The following CCSER1 variants were observed in gnomAD, a reference collection of about 807,000 sequenced individuals.
The protein encoded by CCSER1 is serine-rich coiled-coil domain-containing protein 1.
A neutral mutation model predicts 82.0 loss-of-function variants in CCSER1; 41 were observed. The observed-to-expected ratio is 0.50, with a 90% confidence interval of 0.39 to 0.65. The LOEUF (loss-of-function observed/expected upper bound fraction) is 0.65, where lower values mean the gene tolerates loss of function less well. Among genes scored for constraint, CCSER1 ranks in the 30% least tolerant of loss-of-function variants. CCSER1 has a pLI of 0.00. For missense variants in CCSER1, 1,119 were observed against 1,064.2 expected, an observed-to-expected ratio of 1.05 and a Z score of -0.72; for synonymous variants, 414 against 383.9, an observed-to-expected ratio of 1.08 and a Z score of -0.92.
intron 10 of CCSER1, among the ~76,000 whole-genome samples, chr4:91,312,916 C>G (rs956606547): frequency 6.6e-6 from 1 of 151,958 alleles, no homozygotes; most frequent in African/African-American, 2.4e-5. Flanking sequence ...CATGTGGTAA[C>G]TCCCGTCTAG....
chr4:91,453,451 T>C (rs939115025), intron 10 of CCSER1, among the ~76,000 whole-genome samples: 16 of 152,040 alleles, frequency 1.1e-4, no homozygotes, highest in Admixed American at 7.2e-4. Context: ...CCCCTTTTTA[T>C]TTCTCTGTTA....
chr4:90,440,538 CA>C (rs1232216326), intron 4 of CCSER1, among the ~76,000 whole-genome samples: 2 of 152,132 alleles, frequency 1.3e-5, no homozygotes, highest in Admixed American at 1.3e-4. Flanking sequence ...GAATCAATAG[CA>C]AACATAACTC....
chr4:91,494,129 C>G (rs916203763), intron 10 of CCSER1, among the ~76,000 whole-genome samples: 1 of 151,846 alleles, frequency 6.6e-6, no homozygotes, highest in Non-Finnish European at 1.5e-5. Flanking sequence ...GTAGCCAGTA[C>G]TAAATACCAA....
intron 10 of CCSER1, among the ~76,000 whole-genome samples, chr4:91,419,610 G>C (rs1190969351): frequency 6.6e-6 from 1 of 151,938 alleles, no homozygotes; most frequent in Non-Finnish European, 1.5e-5. Flanking sequence ...AATTAATCTT[G>C]TTAAAATGTC....
intron 3 of CCSER1, among the ~76,000 whole-genome samples, chr4:90,368,515 C>T (rs1474644950): frequency 6.6e-6 from 1 of 151,762 alleles, no homozygotes. Flanking sequence ...CACCTGTAGT[C>T]TTAGCTCCTG....
intron 10 of CCSER1, among the ~76,000 whole-genome samples, chr4:91,185,364 G>C (rs907831954): frequency 6.6e-6 from 1 of 152,190 alleles, no homozygotes; most frequent in African/African-American, 2.4e-5. Context: ...AATGACTCCT[G>C]TATGTATTTG....
chr4:90,938,791 A>C (rs972376419), intron 9 of CCSER1: 1 of 254,220 alleles, frequency 3.9e-6, no homozygotes, highest in Non-Finnish European at 8.5e-6. Flanking sequence ...CATGTAAAAT[A>C]TTGAGTAAAA....
chr4:90,577,767 T>A (rs1215587842), intron 5 of CCSER1, among the ~76,000 whole-genome samples: 1 of 152,164 alleles, frequency 6.6e-6, no homozygotes, highest in African/African-American at 2.4e-5. Flanking sequence ...GAGATCATTG[T>A]CTGAGTTAAC....
At chr4:90,409,602 A>T (rs866819711) in intron 4 of CCSER1, among the ~76,000 whole-genome samples, 6 of 152,164 alleles carry the variant, frequency 3.9e-5, no homozygotes, top group Non-Finnish European at 5.9e-5. Context: ...TCACCACCAG[A>T]CCTGCCCTAA....
intron 6 of CCSER1, among the ~76,000 whole-genome samples, chr4:90,648,341 G>GAAAGAAAGAAAGAAAGAAAGAAAGAA (rs1480236521): frequency 6.6e-6 from 1 of 150,998 alleles, no homozygotes; most frequent in Non-Finnish European, 1.5e-5. Context: ...AAGAAAGAAA[G>GAAAGAAAGAAAGAAAGAAAGAAAGAA]AGAGTTGCCC....
chr4:90,633,535 G>C (rs2148943794), intron 6 of CCSER1, among the ~76,000 whole-genome samples: 1 of 151,990 alleles, frequency 6.6e-6, no homozygotes, highest in African/African-American at 2.4e-5. Context: ...CAGATTAGAA[G>C]AAAGGCCTAG....
At chr4:91,268,158 T>C (rs946443462) in intron 10 of CCSER1, among the ~76,000 whole-genome samples, 3 of 152,214 alleles carry the variant, frequency 2.0e-5, no homozygotes, top group Non-Finnish European at 4.4e-5. Context: ...TTTGTTAAAA[T>C]TTGCATGGTA....
chr4:91,570,824 AT>A (rs1262395426), intron 10 of CCSER1, among the ~76,000 whole-genome samples: 4 of 152,144 alleles, frequency 2.6e-5, no homozygotes, highest in Non-Finnish European at 5.9e-5. Context: ...CTCATTACTT[AT>A]GCAAATTTCT....
intron 9 of CCSER1, among the ~76,000 whole-genome samples, chr4:91,016,454 C>T (rs1044079769): frequency 3.9e-5 from 6 of 151,918 alleles, no homozygotes; most frequent in Non-Finnish European, 7.4e-5. Context: ...TCAGTATTAT[C>T]ATTGTCAAAA....
intron 5 of CCSER1, among the ~76,000 whole-genome samples, chr4:90,563,364 G>C (rs10016576): frequency 0.45 from 68,259 of 151,832 alleles, 18,728 homozygotes; most frequent in African/African-American, 0.77. Flanking sequence ...CCCGCCTCAG[G>C]CTCCCAAAGT....
chr4:90,333,929 T>C lies in CCSER1; in HGVS notation c.1509+20882T>C. ...ATTGGATACAAATTTGCAAGTTACC[T>C]TTTAACTTCACTGAGTCAGAGCTCT... On this transcript the variant is annotated intron_variant, in intron 3 of 10. Transcript: ENST00000509176. 2.0e-5 allele frequency among the ~76,000 whole-genome samples: 3 copies of C among 152,230 alleles called. No individual in the cohort carries two copies. The South Asian group carries it at 6.2e-4, about 32-fold the overall frequency.
At chr4:90,629,137 G>A (rs1278950235) in intron 6 of CCSER1, among the ~76,000 whole-genome samples, 5 of 152,016 alleles carry the variant, frequency 3.3e-5, no homozygotes, top group Admixed American at 3.3e-4. Flanking sequence ...GCTAATATTT[G>A]CTTTTTGAAC....
intron 4 of CCSER1, among the ~76,000 whole-genome samples, chr4:90,443,218 A>G (rs994247282): frequency 7.9e-5 from 12 of 152,156 alleles, no homozygotes; most frequent in Non-Finnish European, 1.8e-4. Context: ...TAGTAAGTCA[A>G]GAAAGTTCAC....
At chr4:91,381,572 C>T (rs573995960) in intron 10 of CCSER1, among the ~76,000 whole-genome samples, 8 of 152,308 alleles carry the variant, frequency 5.3e-5, no homozygotes, top group East Asian at 3.9e-4. Context: ...AGGTAGTTCT[C>T]GTGCCATGGT....
Sources: gnomAD v4.1 joint callset for allele counts (sites outside exome capture counted in the v4.1 genomes callset) on GRCh38, gnomAD v4.1.1 for gene constraint, MANE v1.5 for transcripts, NCBI Gene and HGNC (gene_info 2026-07-23, HGNC 2026-07-21) for gene names.